The following PTK7 variants were observed in gnomAD, a reference collection of about 807,000 sequenced individuals.
PTK7 encodes the protein protein tyrosine kinase 7 (inactive).
In PTK7, 39 loss-of-function variants were observed where a neutral mutation model predicts 116.6. The observed-to-expected ratio is 0.33, with a 90% confidence interval of 0.26 to 0.44. PTK7 has a LOEUF of 0.44. PTK7 is among the 20% of genes least tolerant of loss of function. PTK7 has a pLI of 1.00. For synonymous variants in PTK7, 546 were observed against 563.6 expected (o/e 0.97, Z 0.44); for missense variants, 1,169 against 1,425.6 (o/e 0.82, Z 2.90).
At position 43,161,440 on chromosome 6, in the gene PTK7, C is replaced by T. The variant is rs1771839100; in HGVS notation, c.*559C>T. 1 of 152,902 alleles carries T rather than the reference C, an allele frequency of 6.5e-6. No individual in the cohort carries two copies. The highest frequency in any genetic ancestry group is 1.5e-5 in the Non-Finnish European group (1 of 68,558). The allele number at this position is 152,902 out of a possible 1,614,324, so 9.5% of individuals were successfully genotyped here. A position where few individuals can be genotyped will look rare whatever the true frequency, so the allele number is the denominator to read the frequency against. On this transcript the variant is annotated 3_prime_UTR_variant, in exon 20 of 20. Transcript: ENST00000230419. ...ACCCACGTCTTCCCCACCCTTCTCT[C>T]CTTTCCTCATCCTAAGTGCCTGGCA... is the stretch of plus-strand genomic sequence containing the variant.
intron 17 of PTK7, among the ~76,000 whole-genome samples, chr6:43,147,540 C>T (rs751174759): frequency 2.6e-5 from 4 of 152,200 alleles, no homozygotes; most frequent in Non-Finnish European, 5.9e-5. Context: ...GAGCTCAGGG[C>T]AGGGTAGGCA....
At chr6:43,151,540 T>G (rs916070093) in intron 17 of PTK7, among the ~76,000 whole-genome samples, 6 of 145,074 alleles carry the variant, frequency 4.1e-5, no homozygotes, top group Admixed American at 7.0e-5. Context: ...TTTTGTTTTT[T>G]TTTTTTTTCG....
chr6:43,144,788 G>T, intron 15 of PTK7, 182 bp downstream of exon 15: 1 of 628,284 alleles, frequency 1.6e-6, no homozygotes, highest in Non-Finnish European at 2.6e-6. Context: ...CCTTCGTGCA[G>T]ATTTTGTCAT....
intron 1 of PTK7, among the ~76,000 whole-genome samples, chr6:43,126,628 G>A (rs1454940615): frequency 1.3e-5 from 2 of 152,230 alleles, no homozygotes; most frequent in Non-Finnish European, 2.9e-5. Context: ...GGGATGGGAA[G>A]AGCACAGAGT....
chr6:43,083,835 T>G (rs1766505969), intron 1 of PTK7, among the ~76,000 whole-genome samples: 1 of 152,178 alleles, frequency 6.6e-6, no homozygotes, highest in Non-Finnish European at 1.5e-5. Context: ...CTCACAGGTT[T>G]AGGTGTGTAT....
chr6:43,111,445 T>G (rs1318485065), intron 1 of PTK7, among the ~76,000 whole-genome samples: 4 of 152,310 alleles, frequency 2.6e-5, no homozygotes, highest in Middle Eastern at 3.4e-3. Flanking sequence ...AGAGGAATGC[T>G]GACAAAGGCC....
chr6:43,082,277 G>A (rs773474346), intron 1 of PTK7, among the ~76,000 whole-genome samples: 20 of 152,162 alleles, frequency 1.3e-4, no homozygotes, highest in Non-Finnish European at 2.5e-4. Context: ...CTGGGTTCAA[G>A]CGATTCTCCT....
chr6:43,156,540 C>T (rs750693546), intron 17 of PTK7, among the ~76,000 whole-genome samples: 3 of 151,952 alleles, frequency 2.0e-5, no homozygotes, highest in Admixed American at 6.6e-5. Flanking sequence ...TCCAGGAGGG[C>T]GAGGCTGCAG....
chr6:43,101,619 A>T (rs1266168123), intron 1 of PTK7, among the ~76,000 whole-genome samples: 1 of 152,140 alleles, frequency 6.6e-6, no homozygotes, highest in Non-Finnish European at 1.5e-5. Context: ...ATTTTGAAAA[A>T]TGTTGAAGAA....
chr6:43,139,141 A>ACGGTT lies in PTK7; in HGVS notation c.1371_1375dup (p.Glu459GlyfsTer26), dbSNP rs1186370817. 6.2e-7 allele frequency: 1 copy of ACGGTT among 1,614,178 alleles called. No homozygotes were observed. The highest frequency in any genetic ancestry group is 1.7e-5 in the Admixed American group (1 of 60,014). Reference sequence around the variant, plus strand: ...GCCTCTCACCTGTGCTGCAGGACTCACGGTTCGAGGTCTTCAAGAATGGGA... The same window carrying ACGGTT: ...GCCTCTCACCTGTGCTGCAGGACTCACGGTTCGGTTCGAGGTCTTCAAGAATGGGA... On this transcript the variant is annotated frameshift_variant, in exon 9 of 20. Transcript: ENST00000230419. LOFTEE classifies it high-confidence loss of function. This position sits in a 1 kb window ranked among gnomAD's most constrained non-coding sequence, Gnocchi z 4.6.
intron 17 of PTK7, among the ~76,000 whole-genome samples, chr6:43,156,537 G>A (rs757082453): frequency 6.6e-6 from 1 of 151,524 alleles, no homozygotes; most frequent in African/African-American, 2.4e-5. Flanking sequence ...GAGTCCAGGA[G>A]GGCGAGGCTG....
intron 1 of PTK7, among the ~76,000 whole-genome samples, chr6:43,123,758 G>A (rs1258371075): frequency 6.6e-6 from 1 of 152,168 alleles, no homozygotes; most frequent in African/African-American, 2.4e-5. Flanking sequence ...GTGGGCAGAT[G>A]GCCCTGTCTG....
At chr6:43,130,812 A>G in intron 5 of PTK7, 151 bp downstream of exon 5, 1 of 1,197,178 alleles carries the variant, frequency 8.4e-7, no homozygotes, top group Non-Finnish European at 1.2e-6. Flanking sequence ...TGCTTTTACA[A>G]GATGAGTCTG....
At chr6:43,093,124 A>G (rs758362261) in intron 1 of PTK7, among the ~76,000 whole-genome samples, 1 of 151,796 alleles carries the variant, frequency 6.6e-6, no homozygotes, top group Non-Finnish European at 1.5e-5. Context: ...TGTCCCTAAC[A>G]AGGCAGACAG....
intron 1 of PTK7, among the ~76,000 whole-genome samples, chr6:43,113,341 G>C (rs1305282356): frequency 6.6e-6 from 1 of 152,100 alleles, no homozygotes; most frequent in African/African-American, 2.4e-5. Flanking sequence ...CCTGAGGCAG[G>C]AGAATCACTT....
intron 1 of PTK7, among the ~76,000 whole-genome samples, chr6:43,117,640 G>A (rs62417478): frequency 0.16 from 24,206 of 152,094 alleles, 2,144 homozygotes; most frequent in African/African-American, 0.23. Context: ...CCTCTAGGTC[G>A]GGCGCGGTGG....
chr6:43,138,666 G>C, intron 7 of PTK7, 183 bp from the exon 8 acceptor site: 1 of 771,632 alleles, frequency 1.3e-6, no homozygotes, highest in Admixed American at 2.9e-5. Context: ...TGTCTTAAAA[G>C]AAAAAAAATT....
At chr6:43,142,992 G>C (rs1405595660) in intron 13 of PTK7, 1 of 174,968 alleles carries the variant, frequency 5.7e-6, no homozygotes, top group Non-Finnish European at 1.2e-5. Context: ...TAGACCAGCA[G>C]ATCCCTTCTA....
At chr6:43,125,958 C>T (rs899976970) in intron 1 of PTK7, among the ~76,000 whole-genome samples, 2 of 147,752 alleles carry the variant, frequency 1.4e-5, no homozygotes, top group African/African-American at 4.9e-5. Flanking sequence ...GGGGGCTTGT[C>T]CACACTTCGA....
Sources: allele counts gnomAD v4.1 joint callset (sites outside exome capture counted in the v4.1 genomes callset), GRCh38; gene constraint gnomAD v4.1.1; non-coding constraint Gnocchi (gnomAD v3.1); transcripts MANE v1.5; gene names NCBI Gene and HGNC (gene_info 2026-07-23, HGNC 2026-07-21).